FAM174A: variants seen among roughly 807,000 people sequenced by gnomAD.
The protein encoded by FAM174A is membrane protein FAM174A.
A neutral mutation model predicts 14.3 loss-of-function variants in FAM174A; 14 were observed. The ratio of observed to expected loss-of-function variants is 0.98; its 90% CI spans 0.65 to 1.53. The LOEUF (loss-of-function observed/expected upper bound fraction) is 1.53. Ranked by LOEUF, FAM174A falls within the 40% of genes most tolerant of loss-of-function variation. The probability of loss-of-function intolerance (pLI) is 0.00; values close to 1 mark genes in which losing one functional copy is unlikely to be tolerated. For synonymous variants in FAM174A, 108 were observed against 111.4 expected (o/e 0.97, Z 0.19); for missense variants, 241 against 249.6 (o/e 0.97, Z 0.23).
rs542340360 is a variant in FAM174A, at chr5:100,563,414, A to G, written c.569+1226A>G. 1.7e-4 allele frequency among the ~76,000 whole-genome samples: 25 copies of G among 150,316 alleles called. 1 individual carries two copies. The South Asian group carries it at 5.2e-3, about 31-fold the overall frequency. Reference sequence around the variant, plus strand: ...ATCTCTTGAGACAAAAAAAAAAAAGATCATTACATAGTAAAGGAGTCAATT... The same window carrying G: ...ATCTCTTGAGACAAAAAAAAAAAAGGTCATTACATAGTAAAGGAGTCAATT... On this transcript the variant is annotated intron_variant, in intron 2 of 2. Transcript: ENST00000312637.
At chr5:100,548,215 T>C (rs938339904) in intron 1 of FAM174A, among the ~76,000 whole-genome samples, 1 of 152,122 alleles carries the variant, frequency 6.6e-6, no homozygotes, top group African/African-American at 2.4e-5. Flanking sequence ...GGCCATTATG[T>C]ACTCCTTAGG....
At chr5:100,562,722 T>C (rs533396648) in intron 2 of FAM174A, among the ~76,000 whole-genome samples, 2 of 151,972 alleles carry the variant, frequency 1.3e-5, no homozygotes, top group East Asian at 3.9e-4. Context: ...TAAATAGTGC[T>C]GCCTTGCAGA....
At chr5:100,556,141 A>G (rs1360895965) in intron 1 of FAM174A, among the ~76,000 whole-genome samples, 7 of 152,224 alleles carry the variant, frequency 4.6e-5, no homozygotes, top group African/African-American at 1.7e-4. Flanking sequence ...GAAGGGATCC[A>G]GTTTCAGCTC....
chr5:100,550,438 T>C (rs544893648), intron 1 of FAM174A, among the ~76,000 whole-genome samples: 14 of 152,278 alleles, frequency 9.2e-5, no homozygotes, highest in East Asian at 3.9e-4. Context: ...AATTTAGATA[T>C]CTTTCTTATA....
intron 1 of FAM174A, among the ~76,000 whole-genome samples, chr5:100,545,562 A>G (rs913916443): frequency 1.3e-5 from 2 of 152,162 alleles, no homozygotes; most frequent in Non-Finnish European, 2.9e-5. Flanking sequence ...AAGGGGTAAT[A>G]TATACTATGG....
intron 1 of FAM174A, among the ~76,000 whole-genome samples, chr5:100,542,069 C>T (rs893122510): frequency 4.6e-5 from 7 of 152,118 alleles, no homozygotes; most frequent in African/African-American, 1.4e-4. Context: ...TAGAATACAA[C>T]GAGATGCATT....
At chr5:100,544,366 C>T (rs968234356) in intron 1 of FAM174A, among the ~76,000 whole-genome samples, 1 of 150,332 alleles carries the variant, frequency 6.7e-6, no homozygotes, top group African/African-American at 2.5e-5. Context: ...GCATTTGTAC[C>T]CCTGCATTTG....
At chr5:100,541,988 A>G (rs886084180) in intron 1 of FAM174A, among the ~76,000 whole-genome samples, 3 of 152,104 alleles carry the variant, frequency 2.0e-5, no homozygotes, top group African/African-American at 7.2e-5. Flanking sequence ...GGACTCTTCT[A>G]CAAGCTAATG....
At chr5:100,561,631 T>C (rs1002682412) in intron 1 of FAM174A, among the ~76,000 whole-genome samples, 26 of 152,058 alleles carry the variant, frequency 1.7e-4, no homozygotes, top group African/African-American at 6.3e-4. Context: ...TCTGTGAATA[T>C]GCATATACAT....
intron 1 of FAM174A, among the ~76,000 whole-genome samples, chr5:100,549,929 C>G (rs187362651): frequency 6.2e-4 from 94 of 152,148 alleles, no homozygotes; most frequent in Non-Finnish European, 1.2e-3. Flanking sequence ...TAAAATATCT[C>G]ATTTTCTTCT....
At chr5:100,582,368 A>G (rs2112406866) in intron 2 of FAM174A, among the ~76,000 whole-genome samples, 1 of 152,142 alleles carries the variant, frequency 6.6e-6, no homozygotes, top group East Asian at 1.9e-4. Flanking sequence ...TTCAGATAAG[A>G]TGAAAAAGAG....
chr5:100,535,989 C>T (rs566008413), intron 1 of FAM174A, 25 bp downstream of exon 1: 4 of 1,532,342 alleles, frequency 2.6e-6, no homozygotes, highest in South Asian at 2.5e-5. Context: ...CGGTGGGGCA[C>T]CCCCGTGGGC....
intron 1 of FAM174A, among the ~76,000 whole-genome samples, chr5:100,549,338 CAAAG>C (rs1342404372): frequency 6.6e-6 from 1 of 151,964 alleles, no homozygotes; most frequent in South Asian, 2.1e-4. Context: ...AAAGGGAAGA[CAAAG>C]AAATCCATGT....
intron 1 of FAM174A, among the ~76,000 whole-genome samples, chr5:100,545,067 A>T (rs27458): frequency 0.57 from 85,996 of 152,064 alleles, 26,702 homozygotes; most frequent in African/African-American, 0.81. Context: ...CTACTCCTAC[A>T]CTTCAAAGTT....
At chr5:100,567,852 A>G (rs1007717536) in intron 2 of FAM174A, among the ~76,000 whole-genome samples, 4 of 151,934 alleles carry the variant, frequency 2.6e-5, no homozygotes, top group Non-Finnish European at 4.4e-5. Context: ...GATAATTTTT[A>G]TGCACCTGTT....
At chr5:100,555,741 G>T (rs1746363898) in intron 1 of FAM174A, among the ~76,000 whole-genome samples, 1 of 152,178 alleles carries the variant, frequency 6.6e-6, no homozygotes. Context: ...TTTGAGAAGT[G>T]TCTGTTCATA....
intron 2 of FAM174A, among the ~76,000 whole-genome samples, chr5:100,568,882 ATAATT>A (rs954977650): frequency 6.6e-5 from 10 of 151,968 alleles, no homozygotes; most frequent in Admixed American, 2.6e-4. Flanking sequence ...CATTTGAAAT[ATAATT>A]TAATTTATTT....
At chr5:100,554,863 A>C (rs1340058799) in intron 1 of FAM174A, among the ~76,000 whole-genome samples, 1 of 152,090 alleles carries the variant, frequency 6.6e-6, no homozygotes. Context: ...TATGTCGCAG[A>C]GTGTGTCCTA....
At chr5:100,585,575 G>C (rs1355677148) in intron 2 of FAM174A, among the ~76,000 whole-genome samples, 1 of 151,928 alleles carries the variant, frequency 6.6e-6, no homozygotes, top group Non-Finnish European at 1.5e-5. Flanking sequence ...CATCACACCT[G>C]GCTAATTTTT....
Sources: allele counts gnomAD v4.1 joint callset (sites outside exome capture counted in the v4.1 genomes callset), GRCh38; gene constraint gnomAD v4.1.1; transcripts MANE v1.5; gene names NCBI Gene and HGNC (gene_info 2026-07-23, HGNC 2026-07-21).